PRPSAP2: variants seen among roughly 807,000 people sequenced by gnomAD.
The protein encoded by PRPSAP2 is phosphoribosyl pyrophosphate synthase-associated protein 2.
Under a neutral mutation model 40.6 loss-of-function variants are expected in PRPSAP2, and 24 were observed. The observed-to-expected ratio is 0.59, with a 90% CI of 0.43 to 0.83. The LOEUF is 0.83. Among genes scored for constraint, PRPSAP2 ranks in the 40% least tolerant of loss-of-function variants. The pLI is 0.00. For synonymous variants in PRPSAP2, 149 were observed against 164.7 expected (o/e 0.90, Z 0.73); for missense variants, 292 against 465.6 (o/e 0.63, Z 3.43).
At chr17:18,918,573 C>T (rs1334749464) in intron 9 of PRPSAP2, among the ~76,000 whole-genome samples, 2 of 152,222 alleles carry the variant, frequency 1.3e-5, no homozygotes, top group Admixed American at 6.5e-5. Flanking sequence ...TAGAAGGCAG[C>T]CCACAAAGGC....
chr17:18,916,528 C>T (rs564030779), intron 9 of PRPSAP2, among the ~76,000 whole-genome samples: 6 of 152,036 alleles, frequency 3.9e-5, no homozygotes, highest in South Asian at 2.1e-4. Context: ...ATTACAGGCG[C>T]GCACCACCAC....
chr17:18,883,995 G>A (rs764044094), intron 7 of PRPSAP2, among the ~76,000 whole-genome samples: 16 of 151,856 alleles, frequency 1.1e-4, no homozygotes, highest in Middle Eastern at 3.4e-3. Flanking sequence ...TACGCCAGGC[G>A]CAGTGGCTCA....
chr17:18,897,049 TC>T (rs1181877201), intron 8 of PRPSAP2, among the ~76,000 whole-genome samples: 1 of 152,030 alleles, frequency 6.6e-6, no homozygotes, highest in Admixed American at 6.6e-5. Flanking sequence ...AGCCTGGACT[TC>T]CTGGGCTCAG....
intron 8 of PRPSAP2, among the ~76,000 whole-genome samples, chr17:18,899,690 T>C (rs763027148): frequency 4.0e-5 from 6 of 150,572 alleles, no homozygotes; most frequent in African/African-American, 9.8e-5. Flanking sequence ...CACCGTGTCT[T>C]GCGAATTTAT....
intron 10 of PRPSAP2, among the ~76,000 whole-genome samples, chr17:18,927,178 A>T (rs2042022216): frequency 1.3e-5 from 2 of 152,166 alleles, no homozygotes; most frequent in South Asian, 4.1e-4. Context: ...ACCCACTCCC[A>T]CAAGCCTTTT....
At position 18,907,804 on chromosome 17, in the gene PRPSAP2, G is replaced by A. The variant is rs116447468; in HGVS notation, c.585-3299G>A. ...AGATAACCCATAGGTCAAAGAAGAAGTCAAAAGTGAAATTAAAAAGTATTT... is the reference window on the plus strand; with the variant it reads ...AGATAACCCATAGGTCAAAGAAGAAATCAAAAGTGAAATTAAAAAGTATTT... On this transcript the variant is annotated intron_variant, in intron 8 of 11. Transcript: ENST00000268835. 3.8e-3 allele frequency among the ~76,000 whole-genome samples: 585 copies of A among 152,252 alleles called. 4 individuals carry two copies. The highest frequency in any genetic ancestry group is 0.013 in the African/African-American group (556 of 41,558).
At chr17:18,913,541 CTTT>C (rs35697920) in intron 9 of PRPSAP2, among the ~76,000 whole-genome samples, 4 of 73,948 alleles carry the variant, frequency 5.4e-5, no homozygotes, top group East Asian at 4.4e-4. Flanking sequence ...GCGTCTGGTT[CTTT>C]TTTTTTTTTT....
intron 1 of PRPSAP2, among the ~76,000 whole-genome samples, chr17:18,865,265 A>G (rs997463194): frequency 1.3e-5 from 2 of 152,286 alleles, no homozygotes; most frequent in Admixed American, 1.3e-4. Context: ...TTATCTAGTC[A>G]GCCCGTGTTC....
chr17:18,870,948 G>C (rs896025376), intron 4 of PRPSAP2, among the ~76,000 whole-genome samples: 1 of 151,984 alleles, frequency 6.6e-6, no homozygotes, highest in African/African-American at 2.4e-5. Flanking sequence ...ACCGCACCCA[G>C]CCCAACAACA....
chr17:18,927,649 A>G (rs1054435604), intron 10 of PRPSAP2, among the ~76,000 whole-genome samples: 4 of 152,212 alleles, frequency 2.6e-5, no homozygotes, highest in African/African-American at 2.4e-5. Context: ...TCTCTGGGAT[A>G]ATTGCACTTA....
rs576154155 is a variant in PRPSAP2 at position 18,890,784 on chromosome 17, G to A, written c.584+907G>A. On this transcript the variant is annotated intron_variant, in intron 8 of 11. Coordinates refer to ENST00000268835, the MANE Select transcript of PRPSAP2 (RefSeq NM_002767.4). The stretch of plus-strand genomic sequence containing the variant: ...TAGTTGTTTACTGCCCCTTATTTGA[G>A]GAACTCAGAAATTGATTAACAGAAT... 6.4e-5 allele frequency among the ~76,000 whole-genome samples: 7 copies of A among 109,332 alleles called. No homozygotes were observed. The East Asian group carries it at 1.1e-3, about 17-fold the overall frequency. The allele number at this position is 109,332 out of a possible 152,430, so 71.7% of individuals were successfully genotyped here.
chr17:18,890,430 A>G (rs975074073), intron 8 of PRPSAP2, among the ~76,000 whole-genome samples: 2 of 152,136 alleles, frequency 1.3e-5, no homozygotes, highest in African/African-American at 4.8e-5. Flanking sequence ...TTGGCCTCCC[A>G]AGGTGCTGGG....
intron 6 of PRPSAP2, among the ~76,000 whole-genome samples, chr17:18,879,463 T>A (rs913540377): frequency 1.9e-5 from 2 of 107,986 alleles, no homozygotes; most frequent in African/African-American, 3.6e-5. Context: ...TATTATTATT[T>A]TTATTTTTTA....
Position 18,872,596 on chromosome 17 carries a change from A to C in PRPSAP2, c.186A>C (p.Gln62His). 6.3e-7 allele frequency: 1 copy of C among 1,591,740 alleles called. No individual in the cohort carries two copies. Among genetic ancestry groups the C allele is most frequent in the Non-Finnish European group, 8.6e-7 (1 of 1,160,288 alleles). The change falls in exon 5 of 12, where the codon CAA becomes CAC. Residue 62 changes from glutamine to histidine, a missense_variant. Transcript: ENST00000268835. ...YQEPNRETRV[Q>H]IQESVRGKDV... is the part of the protein sequence containing the mutation. ...TTTTCCTGCCAGAAACAAGAGTACA[A>C]ATTCAAGAGTCTGTGAGGGGAAAAG...
intron 8 of PRPSAP2, among the ~76,000 whole-genome samples, chr17:18,899,374 C>T (rs1354324557): frequency 6.6e-6 from 1 of 152,050 alleles, no homozygotes; most frequent in African/African-American, 2.4e-5. Context: ...GCACATGCCA[C>T]CATGCCCTGC....
At chr17:18,875,504 G>T (rs1401483035) in intron 5 of PRPSAP2, among the ~76,000 whole-genome samples, 1 of 151,846 alleles carries the variant, frequency 6.6e-6, no homozygotes, top group African/African-American at 2.4e-5. Context: ...GGCAGAGGTT[G>T]TAGTGAGCTG....
chr17:18,928,345 G>T (rs955683451), intron 10 of PRPSAP2: 1 of 201,550 alleles, frequency 5.0e-6, no homozygotes, highest in African/African-American at 2.3e-5. Context: ...CATATGCTCA[G>T]TGGAGAAAAT....
At chr17:18,896,468 C>A (rs2151933144) in intron 8 of PRPSAP2, among the ~76,000 whole-genome samples, 1 of 152,166 alleles carries the variant, frequency 6.6e-6, no homozygotes, top group East Asian at 1.9e-4. Flanking sequence ...TTAAGGTCAG[C>A]CAAGGTTCAA....
At chr17:18,901,579 T>C (rs2040271956) in intron 8 of PRPSAP2, among the ~76,000 whole-genome samples, 1 of 152,100 alleles carries the variant, frequency 6.6e-6, no homozygotes. Flanking sequence ...AGTTTCACCA[T>C]GTTAGCAAGG....
Sources: gnomAD v4.1 joint callset for allele counts (sites outside exome capture counted in the v4.1 genomes callset) on GRCh38, gnomAD v4.1.1 for gene constraint, MANE v1.5 for transcripts, NCBI Gene and HGNC (gene_info 2026-07-23, HGNC 2026-07-21) for gene names.